Variants in A2M observed in about 807,000 individuals in gnomAD.
A2M encodes alpha-2-macroglobulin.
A neutral mutation model predicts 183.9 loss-of-function variants in A2M; 128 were observed. The ratio of observed to expected loss-of-function variants is 0.70; its 90% CI spans 0.60 to 0.81. The LOEUF (loss-of-function observed/expected upper bound fraction) is 0.81, where lower values mean the gene tolerates loss of function less well. Among genes scored for constraint, A2M ranks in the 30% least tolerant of loss-of-function variants. The probability of loss-of-function intolerance (pLI) is 0.00; values close to 1 mark genes in which losing one functional copy is unlikely to be tolerated. For missense variants in A2M, 1,495 were observed against 1,787.6 expected (o/e 0.84, Z 2.95); for synonymous variants, 592 against 670.8 (o/e 0.88, Z 1.81).
At position 9,067,748 on chromosome 12, in the gene A2M, A is replaced by G. The variant is rs1948436255; in HGVS notation, c.*75T>C. On this transcript the variant is annotated 3_prime_UTR_variant, in exon 36 of 36. Coordinates refer to ENST00000318602, the MANE Select transcript of A2M (RefSeq NM_000014.6). ...AAGTGTTTATTCATCAAGTCTTTAA[A>G]GATACAAAAACACGTGTCTTCTGTG... The G allele has an allele frequency of 2.2e-6, 3 of 1,375,358 alleles. No homozygotes were observed. The highest frequency in any genetic ancestry group is 3.1e-6 in the Non-Finnish European group (3 of 970,554). The allele number at this position is 1,375,358 out of a possible 1,614,324, so 85.2% of individuals were successfully genotyped here. A position where few individuals can be genotyped will look rare whatever the true frequency, so the allele number is the denominator to read the frequency against.
chr12:9,100,691 T>C (rs192303582), intron 13 of A2M, among the ~76,000 whole-genome samples: 46 of 152,372 alleles, frequency 3.0e-4, no homozygotes, highest in Admixed American at 1.6e-3. Flanking sequence ...AACTTTCTTT[T>C]AATTAATATT....
intron 22 of A2M, among the ~76,000 whole-genome samples, chr12:9,086,181 G>A (rs1949047062): frequency 6.6e-6 from 1 of 151,826 alleles, no homozygotes; most frequent in African/African-American, 2.4e-5. Flanking sequence ...GTCATAAAAA[G>A]ACATTACAAA....
chr12:9,071,604 C>T (rs1161507626), intron 31 of A2M, among the ~76,000 whole-genome samples: 1 of 152,048 alleles, frequency 6.6e-6, no homozygotes. Flanking sequence ...ATCCTTAACC[C>T]TCAAGTAGGC....
intron 28 of A2M, 26 bp from the exon 29 acceptor site, chr12:9,074,809 T>C: frequency 1.9e-6 from 3 of 1,571,600 alleles, no homozygotes; most frequent in South Asian, 1.2e-5. Flanking sequence ...AAGATATTTA[T>C]AAGTGCCTAC....
rs185750870 is a variant in A2M at position 9,098,613 on chromosome 12, C to T, written c.1845G>A (p.Ala615=). 1,004 of 1,599,906 alleles carry T rather than the reference C, an allele frequency of 6.3e-4. 7 individuals carry two copies. In the African/African-American group the frequency reaches 0.011, roughly 17 times the overall value. The change falls in exon 15 of 36, where the codon GCG becomes GCA. Residue 615 remains alanine, a synonymous_variant. Coordinates refer to ENST00000318602, the MANE Select transcript of A2M (RefSeq NM_000014.6). ...GAGGCTGCCAGGAACTCACCGAGGA[C>T]GCCGAGAGCTCAGCATCAGGCTTCA... ...LLMKPDAELS[A]SSVYNLLPEK... is the part of the protein sequence containing the mutation.
intron 17 of A2M, among the ~76,000 whole-genome samples, chr12:9,094,611 A>T (rs2137820013): frequency 6.6e-6 from 1 of 152,132 alleles, no homozygotes; most frequent in East Asian, 1.9e-4. Flanking sequence ...TTCATCAAAG[A>T]AGTAGCTCAT....
chr12:9,108,378 A>G (rs932732395), intron 7 of A2M, among the ~76,000 whole-genome samples: 1 of 152,058 alleles, frequency 6.6e-6, no homozygotes, highest in Non-Finnish European at 1.5e-5. Flanking sequence ...TGCCCACCTC[A>G]GCCTCCCAAA....
chr12:9,098,509 T>C, intron 15 of A2M, 98 bp downstream of exon 15: 1 of 1,342,044 alleles, frequency 7.5e-7, no homozygotes, highest in African/African-American at 1.5e-5. Context: ...TAGATAAATA[T>C]AATTTTAATT....
chr12:9,069,901 AC>A lies in A2M; in HGVS notation c.4195-89del, dbSNP rs1344839742. The A allele has an allele frequency of 1.0e-5, 11 of 1,091,532 alleles. No homozygotes were observed. In the African/African-American group the frequency reaches 1.6e-4, roughly 15 times the overall value. 67.6% of individuals were successfully genotyped at this position (1,091,532 alleles called of 1,614,324 possible). On this transcript the variant is annotated intron_variant, in intron 32 of 35. Coordinates refer to ENST00000318602, the MANE Select transcript of A2M (RefSeq NM_000014.6). Reference sequence around the variant, plus strand: ...AAAAAATCTTTGTATTGCCAAAATAACCCTGAGGGTAGAATTCTTCAAATGC... The same window carrying A: ...AAAAAATCTTTGTATTGCCAAAATAACCTGAGGGTAGAATTCTTCAAATGC...
chr12:9,115,544 C>A, intron 1 of A2M: 1 of 449,202 alleles, frequency 2.2e-6, no homozygotes, highest in East Asian at 3.9e-5. Context: ...ATTTCTGACA[C>A]CCCTTAGGAA....
chr12:9,072,540 C>G, intron 30 of A2M, 54 bp from the exon 31 acceptor site: 1 of 1,601,832 alleles, frequency 6.2e-7, no homozygotes, highest in Non-Finnish European at 8.5e-7. Flanking sequence ...GAATTCCTGT[C>G]CACGTCCCTA....
chr12:9,114,953 G>C (rs1025425371), intron 1 of A2M, among the ~76,000 whole-genome samples: 1 of 152,132 alleles, frequency 6.6e-6, no homozygotes, highest in Non-Finnish European at 1.5e-5. Context: ...TCTTTAATGA[G>C]AATGATGAGC....
chr12:9,072,667 A>T lies in A2M; in HGVS notation c.3961T>A (p.Cys1321Ser), dbSNP rs1948612821. 1 of 1,614,046 alleles carries T rather than the reference A, an allele frequency of 6.2e-7. No homozygotes were observed. Among genetic ancestry groups the T allele is most frequent in the South Asian group, 1.1e-5 (1 of 91,088 alleles). ...AAGAGTCTCACCTGGAGGTAGACAC[A>T]TCCTTCTCCTGTCACTTTCATGCTG... ...EYSMKVTGEGCVYLQTSLKYN... is the reference protein window; with the variant it reads ...EYSMKVTGEGSVYLQTSLKYN... Residue 1321 changes from cysteine (C) to serine (S), a missense_variant, in exon 30 of 36, where the codon TGT becomes AGT. By Grantham distance (112) the Cys-to-Ser change is moderately radical (BLOSUM62 -1). Transcript: ENST00000318602.
rs753924706 is a variant in A2M, at chr12:9,100,325, C to T, written c.1559-802G>A. 1.3e-5 allele frequency among the ~76,000 whole-genome samples: 2 copies of T among 152,316 alleles called. 1 individual carries two copies. Among genetic ancestry groups the T allele is most frequent in the South Asian group, 4.1e-4 (2 of 4,826 alleles). On this transcript the variant is annotated intron_variant, in intron 13 of 35. Coordinates refer to ENST00000318602, the MANE Select transcript of A2M (RefSeq NM_000014.6). ...CCACCCCATTCTCTAACACAATTCT[C>T]ATTTTGAGAAGAGGTTCAAGAATAT... is the stretch of plus-strand genomic sequence containing the variant.
intron 4 of A2M, 27 bp downstream of exon 4, chr12:9,112,132 A>T: frequency 6.2e-7 from 1 of 1,611,858 alleles, no homozygotes; most frequent in Non-Finnish European, 8.5e-7. Flanking sequence ...ACAGACAATC[A>T]TTTTATGTAG....
At chr12:9,074,840 G>A (rs996644685) in intron 28 of A2M, 57 bp from the exon 29 acceptor site, 83 of 1,518,694 alleles carry the variant, frequency 5.5e-5, no homozygotes, top group Non-Finnish European at 7.1e-5. Context: ...TTAATTCAAG[G>A]TGAAAGTACC....
At position 9,079,288 on chromosome 12, in the gene A2M, G is replaced by GT. The variant is rs1948836954; in HGVS notation, c.3074dup (p.Tyr1025Ter). 1 of 1,613,666 alleles carries GT rather than the reference G, an allele frequency of 6.2e-7. No individual in the cohort carries two copies. The highest frequency in any genetic ancestry group is 1.7e-5 in the Admixed American group (1 of 59,976). The change falls in exon 25 of 36, where the codon TAC (tyrosine) becomes TAAC (stop). Residue 1025 changes from tyrosine (Y) to a stop codon, truncating the protein, a stop_gained and frameshift_variant. Transcript: ENST00000318602. LOFTEE classifies it high-confidence loss of function. ...TGCCATATCGCTCCCCAAAGGTGCT[G>GT]TAGGAGCCATCATAGTGTTTGTAGT... Reference protein sequence around the residue: ...QLNYKHYDGSYSTFGERYGRN... With the variant: ...QLNYKHYDGS
chr12:9,084,893 A>G (rs1308392839), intron 22 of A2M, among the ~76,000 whole-genome samples: 3 of 152,124 alleles, frequency 2.0e-5, no homozygotes, highest in Non-Finnish European at 4.4e-5. Flanking sequence ...CTTATATTCA[A>G]CAAAACAGAC....
chr12:9,113,682 G>A (rs1033010963), intron 1 of A2M, 139 bp from the exon 2 acceptor site: 9 of 787,220 alleles, frequency 1.1e-5, no homozygotes, highest in East Asian at 7.8e-5. Context: ...AAATTTGGCC[G>A]TTGAAGGCCA....
Sources: allele counts gnomAD v4.1 joint callset (sites outside exome capture counted in the v4.1 genomes callset), GRCh38; gene constraint gnomAD v4.1.1; transcripts MANE v1.5; gene names NCBI Gene and HGNC (gene_info 2026-07-23, HGNC 2026-07-21).